The following HPS4 variants were observed in gnomAD, a reference collection of about 807,000 sequenced individuals.
The protein encoded by HPS4 is BLOC-3 complex member HPS4.
A neutral mutation model predicts 70.3 loss-of-function variants in HPS4; 44 were observed. The ratio of observed to expected loss-of-function variants is 0.63; its 90% confidence interval spans 0.49 to 0.80. The LOEUF (loss-of-function observed/expected upper bound fraction) is 0.80, where lower values mean the gene tolerates loss of function less well. Ranked by LOEUF, HPS4 falls within the 30% of genes least tolerant of loss-of-function variation. The pLI is 0.00. For synonymous variants in HPS4, 377 were observed against 355.9 expected (o/e 1.06, Z -0.67); for missense variants, 873 against 884.4 (o/e 0.99, Z 0.16).
Position 26,472,907 on chromosome 22 carries a change from G to C in HPS4, c.309C>G (p.Val103=). ...VLGCAVELPD[V]SCKRFLDQLV... is the part of the protein sequence containing the mutation. ...GCTGATCCAGAAACCGCTTGCAGCT[G>C]ACATCAGGGAGCTCCACAGCACAGC... Residue 103 remains valine (V), a synonymous_variant, in exon 5 of 14, where the codon GTC becomes GTG. Coordinates refer to ENST00000398145, the MANE Select transcript of HPS4 (RefSeq NM_022081.6). 6.2e-7 allele frequency: 1 copy of C among 1,614,218 alleles called. No homozygotes were observed. The highest frequency in any genetic ancestry group is 8.5e-7 in the Non-Finnish European group (1 of 1,180,028).
intron 6 of HPS4, chr22:26,471,038 G>A: frequency 2.4e-6 from 2 of 831,362 alleles, no homozygotes; most frequent in South Asian, 3.2e-5. Context: ...GAACAAGGAG[G>A]CCTGTCCAGA....
intron 4 of HPS4, chr22:26,476,111 A>C (rs2090508379): frequency 6.6e-6 from 1 of 152,324 alleles, no homozygotes; most frequent in Admixed American, 6.5e-5. Context: ...GTAATAAAAC[A>C]ACTATAATAA....
chr22:26,450,292 G>C (rs1335002504), downstream of HPS4, among the ~76,000 whole-genome samples: 2 of 152,200 alleles, frequency 1.3e-5, no homozygotes, highest in East Asian at 3.9e-4. Flanking sequence ...CCAGAGAAAG[G>C]TCTGCTGCTA....
chr22:26,471,038 G>C, intron 6 of HPS4: 1 of 831,362 alleles, frequency 1.2e-6, no homozygotes, highest in South Asian at 1.6e-5. Flanking sequence ...GAACAAGGAG[G>C]CCTGTCCAGA....
In HPS4 at chr22:26,452,704, G is replaced by A. The variant is rs1326645720; in HGVS notation, c.*529C>T. The A allele has an allele frequency of 1.2e-5, 3 of 250,058 alleles. No individual in the cohort carries two copies. Among genetic ancestry groups the A allele is most frequent in the Non-Finnish European group, 2.4e-5 (3 of 126,418 alleles). 15.5% of individuals were successfully genotyped at this position (250,058 alleles called of 1,614,324 possible). On this transcript the variant is annotated 3_prime_UTR_variant, in exon 14 of 14. Transcript: ENST00000398145. ...CTCCGTGTGCTGCCGCTTCCCTGCA[G>A]GAACGATCCGGACCTCCCAGCAAGA... is the stretch of plus-strand genomic sequence containing the variant.
chr22:26,467,482 A>C (rs2088879546), intron 8 of HPS4: 1 of 152,224 alleles, frequency 6.6e-6, no homozygotes, highest in East Asian at 1.9e-4. Context: ...AATTTTTTTC[A>C]GCAGTTACAT....
rs118084697 is a variant in HPS4 at position 26,474,046 on chromosome 22, A to G, written c.277-1107T>C. Among the ~76,000 whole-genome samples the G allele has an allele frequency of 2.9e-3, 443 of 152,356 alleles. 9 individuals carry two copies. In the East Asian group the frequency reaches 0.038, roughly 13 times the overall value. On this transcript the variant is annotated intron_variant, in intron 4 of 13. Transcript: ENST00000398145. ...GATGAACAGACTGAATGCAATTGCA[A>G]TCATAATCCCACCAGCTTTTCTTCA...
In HPS4 at chr22:26,466,258, A is replaced by G. The variant is rs746415096; in HGVS notation, c.674T>C (p.Leu225Pro). 3 of 1,614,050 alleles carry G rather than the reference A, an allele frequency of 1.9e-6. No individual in the cohort carries two copies. The African/African-American group carries it at 4.0e-5, about 22-fold the overall frequency. ...LHRTAPQEQR[L>P]PTGEDAPQEH... ...CTGCGGGGCATCCTCTCCCGTAGGGAGTCTCTGAAAACAAACACACACAGA... is the reference window on the plus strand; with the variant it reads ...CTGCGGGGCATCCTCTCCCGTAGGGGGTCTCTGAAAACAAACACACACAGA... Residue 225 changes from leucine to proline, a missense_variant, in exon 9 of 14, where the codon CTC becomes CCC. Physicochemically the swap from Leu to Pro is moderately conservative, Grantham distance 98. Coordinates refer to ENST00000398145, the MANE Select transcript of HPS4 (RefSeq NM_022081.6).
At chr22:26,466,479 G>A (rs60046997) in intron 8 of HPS4, 1 of 633,448 alleles carries the variant, frequency 1.6e-6, no homozygotes, top group African/African-American at 1.8e-5. Context: ...GGCCCACACA[G>A]GCTGCAAGGC....
Position 26,481,865 on chromosome 22 carries a change from T to A in HPS4, c.-103A>T. ...TTCCTCTATCCCCCAATCCAGTGAATCTGGACGTGGTAGGTTTCAGTGTTT... is the reference window on the plus strand; with the variant it reads ...TTCCTCTATCCCCCAATCCAGTGAAACTGGACGTGGTAGGTTTCAGTGTTT... On this transcript the variant is annotated 5_prime_UTR_variant, in exon 2 of 14. Coordinates refer to ENST00000398145, the MANE Select transcript of HPS4 (RefSeq NM_022081.6). The A allele has an allele frequency of 8.7e-7, 1 of 1,144,650 alleles. No homozygotes were observed. The highest frequency in any genetic ancestry group is 1.3e-6 in the Non-Finnish European group (1 of 754,940). The allele number at this position is 1,144,650 out of a possible 1,614,324, so 70.9% of individuals were successfully genotyped here.
At chr22:26,445,172 C>T (rs764359203) in intron 3 of HPS4, among the ~76,000 whole-genome samples, 51 of 152,068 alleles carry the variant, frequency 3.4e-4, no homozygotes, top group Non-Finnish European at 8.8e-5. Context: ...GTTGTCTCTA[C>T]CAAACAAACA....
upstream of HPS4, chr22:26,483,791 G>A (rs1569144703): frequency 2.1e-6 from 2 of 954,786 alleles, no homozygotes; most frequent in Non-Finnish European, 2.8e-6. Flanking sequence ...GAGGCCTTAG[G>A]TCACGCGCCG....
intron 11 of HPS4, among the ~76,000 whole-genome samples, chr22:26,460,028 G>A (rs2086922537): frequency 6.6e-6 from 1 of 152,172 alleles, no homozygotes; most frequent in Non-Finnish European, 1.5e-5. Flanking sequence ...GAGTATATTG[G>A]TGTTAAATCA....
chr22:26,443,737 C>T (rs1217182097), downstream of HPS4: 1 of 152,618 alleles, frequency 6.6e-6, no homozygotes, highest in Non-Finnish European at 1.5e-5. Context: ...TCTGCAGCCC[C>T]CACACCTGAC....
intron 4 of HPS4, among the ~76,000 whole-genome samples, chr22:26,473,305 TA>T (rs2090093453): frequency 6.6e-6 from 1 of 152,192 alleles, no homozygotes; most frequent in South Asian, 2.1e-4. Context: ...ATTTGGACAG[TA>T]GATGTTTAAT....
chr22:26,449,783 T>C (rs1243666685), downstream of HPS4, among the ~76,000 whole-genome samples: 1 of 152,178 alleles, frequency 6.6e-6, no homozygotes, highest in Non-Finnish European at 1.5e-5. Context: ...GGCAGGAGGA[T>C]GGATTTGTTT....
intron 11 of HPS4, among the ~76,000 whole-genome samples, chr22:26,459,579 G>A (rs2086844977): frequency 6.6e-6 from 1 of 152,156 alleles, no homozygotes; most frequent in African/African-American, 2.4e-5. Flanking sequence ...GGTCTGAAAT[G>A]GGGTTTCCTG....
chr22:26,448,437 C>G (rs1601726609), downstream of HPS4, among the ~76,000 whole-genome samples: 1 of 152,230 alleles, frequency 6.6e-6, no homozygotes, highest in South Asian at 2.1e-4. Flanking sequence ...ACAAGCCAGT[C>G]CAGCCTGGGT....
chr22:26,447,838 C>T (rs1261876465), downstream of HPS4, among the ~76,000 whole-genome samples: 2 of 152,144 alleles, frequency 1.3e-5, no homozygotes, highest in Non-Finnish European at 2.9e-5. Flanking sequence ...TTGCTTCTAA[C>T]TTCTGGGTAC....
Sources: gnomAD v4.1 joint callset for allele counts (sites outside exome capture counted in the v4.1 genomes callset) on GRCh38, gnomAD v4.1.1 for gene constraint, MANE v1.5 for transcripts, NCBI Gene and HGNC (gene_info 2026-07-23, HGNC 2026-07-21) for gene names.